Variants in BEGAIN observed in about 807,000 individuals in gnomAD.
BEGAIN encodes brain enriched guanylate kinase associated, also known as brain-enriched guanylate kinase-associated protein.
In BEGAIN, 19 loss-of-function variants were observed where a neutral mutation model predicts 35.8. That is an observed-to-expected ratio of 0.53 (90% confidence interval 0.37 to 0.78). The LOEUF (loss-of-function observed/expected upper bound fraction) is 0.78, where lower values mean the gene tolerates loss of function less well. Among genes scored for constraint, BEGAIN ranks in the 30% least tolerant of loss-of-function variants. BEGAIN has a pLI of 0.00. For synonymous variants in BEGAIN, 462 were observed against 388.6 expected (o/e 1.19, Z -2.22); for missense variants, 795 against 853.6 (o/e 0.93, Z 0.85).
At chr14:100,582,361 T>A (rs757725572) in intron 1 of BEGAIN, among the ~76,000 whole-genome samples, 18 of 152,180 alleles carry the variant, frequency 1.2e-4, no homozygotes, top group Non-Finnish European at 2.2e-4. Context: ...GCCGGGATGG[T>A]CTTGATCTCC....
At chr14:100,564,048 C>A (rs2034490440) in intron 2 of BEGAIN, among the ~76,000 whole-genome samples, 1 of 151,716 alleles carries the variant, frequency 6.6e-6, no homozygotes, top group Non-Finnish European at 1.5e-5. Flanking sequence ...GGTCGGTGTC[C>A]CGGTGACTGC....
At chr14:100,552,862 AC>A (rs1184528309) in intron 2 of BEGAIN, among the ~76,000 whole-genome samples, 1 of 152,170 alleles carries the variant, frequency 6.6e-6, no homozygotes, top group African/African-American at 2.4e-5. Context: ...AGACGGATGG[AC>A]TGGGGGTTGG....
intron 2 of BEGAIN, among the ~76,000 whole-genome samples, chr14:100,552,583 G>A (rs1413594021): frequency 6.6e-6 from 1 of 152,224 alleles, no homozygotes; most frequent in Non-Finnish European, 1.5e-5. Flanking sequence ...ATGTTGCTGA[G>A]AGCCTGGCAC....
At position 100,563,610 on chromosome 14, in the gene BEGAIN, C is replaced by T. The variant is rs118016893; in HGVS notation, c.71+4301G>A. Among the ~76,000 whole-genome samples the T allele has an allele frequency of 9.8e-5, 15 of 152,332 alleles. No individual in the cohort carries two copies. In the East Asian group the frequency reaches 1.9e-3, roughly 20 times the overall value. The stretch of plus-strand genomic sequence containing the variant: ...AAACCAGGGCAGCCCACCCCAACAA[C>T]GCTGGAGGGACAGTGATGGGGAGAA... On this transcript the variant is annotated intron_variant, in intron 2 of 6. Coordinates refer to ENST00000554140, the MANE Select transcript of BEGAIN (RefSeq NM_001385089.1). The surrounding 1 kb of genome is among the most constrained non-coding windows in gnomAD (Gnocchi z 4.2).
intron 2 of BEGAIN, 112 bp from the exon 3 acceptor site, chr14:100,546,774 G>A (rs765933451): frequency 1.3e-6 from 1 of 756,568 alleles, no homozygotes; most frequent in Non-Finnish European, 1.9e-6. Context: ...GCGCGCGCGC[G>A]CGCGCGCACA....
intron 5 of BEGAIN, among the ~76,000 whole-genome samples, chr14:100,542,769 GCCT>G (rs2031817455): frequency 6.6e-6 from 1 of 152,134 alleles, no homozygotes; most frequent in African/African-American, 2.4e-5. Context: ...TATGGTCCTG[GCCT>G]CCTCCTGATC....
chr14:100,539,335 G>A lies in BEGAIN; in HGVS notation c.493-20C>T. ...GGGCAGCTGGAACGGGTGCGAGGAGGGGGACGGCGGGTACAGGGTCACTGT... is the reference window on the plus strand; with the variant it reads ...GGGCAGCTGGAACGGGTGCGAGGAGAGGGACGGCGGGTACAGGGTCACTGT... On this transcript the variant is annotated intron_variant, in intron 6 of 6. Transcript: ENST00000554140. 1.3e-6 allele frequency: 2 copies of A among 1,531,892 alleles called. No homozygotes were observed. Among genetic ancestry groups the A allele is most frequent in the African/African-American group, 1.4e-5 (1 of 72,662 alleles). The allele number at this position is 1,531,892 out of a possible 1,614,324, so 94.9% of individuals were successfully genotyped here.
intron 2 of BEGAIN, among the ~76,000 whole-genome samples, chr14:100,560,731 G>A (rs2139649268): frequency 6.6e-6 from 1 of 152,334 alleles, no homozygotes; most frequent in East Asian, 1.9e-4. Flanking sequence ...CAGAGGAAGT[G>A]GGGCTGAGAG....
chr14:100,564,370 C>G (rs1345298900), intron 2 of BEGAIN, among the ~76,000 whole-genome samples: 2 of 151,818 alleles, frequency 1.3e-5, no homozygotes, highest in African/African-American at 4.8e-5. Flanking sequence ...AGGCGACTGA[C>G]CCACTTCTCT....
intron 2 of BEGAIN, among the ~76,000 whole-genome samples, chr14:100,562,456 C>G (rs1354629410): frequency 6.6e-6 from 1 of 152,156 alleles, no homozygotes; most frequent in Non-Finnish European, 1.5e-5. Flanking sequence ...CAAACCCGCT[C>G]CTCCCCCACA....
chr14:100,540,632 C>A, intron 5 of BEGAIN, 53 bp from the exon 6 acceptor site: 1 of 1,422,666 alleles, frequency 7.0e-7, no homozygotes, highest in South Asian at 1.2e-5. Flanking sequence ...AAGGCCCCGC[C>A]GCCCTGACCA....
At chr14:100,543,791 C>T (rs1299778508) in intron 5 of BEGAIN, 67 bp downstream of exon 5, 4 of 1,245,754 alleles carry the variant, frequency 3.2e-6, no homozygotes, top group Non-Finnish European at 4.6e-6. Flanking sequence ...ACTCCCAGTG[C>T]ATCCTGGGAA....
In BEGAIN at chr14:100,568,702, A is replaced by T. The variant is rs1309685596; in HGVS notation, c.43-763T>A. 6.6e-6 allele frequency among the ~76,000 whole-genome samples: 1 copy of T among 151,312 alleles called. No homozygotes were observed. The highest frequency in any genetic ancestry group is 1.5e-5 in the Non-Finnish European group (1 of 67,718). On this transcript the variant is annotated intron_variant, in intron 1 of 6. Transcript: ENST00000554140. The surrounding 1 kb of genome is among the most constrained non-coding windows in gnomAD (Gnocchi z 7.5). ...GCAGGGGGACCCACCCGCCGCCGTT[A>T]ACCTTGTGGGCGCGGGCGAGCGACG... is the stretch of plus-strand genomic sequence containing the variant.
chr14:100,542,396 C>T (rs978973275), intron 5 of BEGAIN, among the ~76,000 whole-genome samples: 4 of 152,344 alleles, frequency 2.6e-5, no homozygotes, highest in East Asian at 1.9e-4. Context: ...GTCCCTACTC[C>T]GTCCTGGGGC....
Position 100,537,947 on chromosome 14 carries a change from G to T in BEGAIN, c.*22C>A. On this transcript the variant is annotated 3_prime_UTR_variant, in exon 7 of 7. Transcript: ENST00000554140. ...CGTGGGCTGGCGGGGAGCGAACCAC[G>T]GCCAGGCCTGCACGCAGGCGCTCAG... The T allele has an allele frequency of 6.3e-7, 1 of 1,588,838 alleles. No individual in the cohort carries two copies. Among genetic ancestry groups the T allele is most frequent in the Non-Finnish European group, 8.6e-7 (1 of 1,168,916 alleles).
At chr14:100,574,030 G>A (rs2035148403) in intron 1 of BEGAIN, among the ~76,000 whole-genome samples, 1 of 152,140 alleles carries the variant, frequency 6.6e-6, no homozygotes. Flanking sequence ...GATCATCGGT[G>A]TCATGCGCTG....
chr14:100,582,306 A>C (rs1052311764), intron 1 of BEGAIN, among the ~76,000 whole-genome samples: 1 of 152,042 alleles, frequency 6.6e-6, no homozygotes, highest in Non-Finnish European at 1.5e-5. Context: ...CACCATGCCC[A>C]GCTAATTTTT....
rs558234662 is a variant in BEGAIN at position 100,573,681 on chromosome 14, A to G, written c.43-5742T>C. On this transcript the variant is annotated intron_variant, in intron 1 of 6. Transcript: ENST00000554140. The surrounding 1 kb of genome is among the most constrained non-coding windows in gnomAD (Gnocchi z 4.2). ...TTGTGACCTCATGTTGAGCAGGGGAACATGGGGAATTCAGGGCTGGTGGTG... is the reference window on the plus strand; with the variant it reads ...TTGTGACCTCATGTTGAGCAGGGGAGCATGGGGAATTCAGGGCTGGTGGTG... Among the ~76,000 whole-genome samples the G allele has an allele frequency of 6.6e-6, 1 of 152,058 alleles. No individual in the cohort carries two copies. Among genetic ancestry groups the G allele is most frequent in the Non-Finnish European group, 1.5e-5 (1 of 67,986 alleles).
chr14:100,561,795 C>T (rs1309463083), intron 2 of BEGAIN, among the ~76,000 whole-genome samples: 1 of 152,098 alleles, frequency 6.6e-6, no homozygotes, highest in Non-Finnish European at 1.5e-5. Context: ...GTGCGTCTAC[C>T]TTCTTAACCA....
Sources: allele counts gnomAD v4.1 joint callset (sites outside exome capture counted in the v4.1 genomes callset), GRCh38; gene constraint gnomAD v4.1.1; non-coding constraint Gnocchi (gnomAD v3.1); transcripts MANE v1.5; gene names NCBI Gene and HGNC (gene_info 2026-07-23, HGNC 2026-07-21).